PDE11A: variants seen among roughly 807,000 people sequenced by gnomAD.
PDE11A encodes the protein phosphodiesterase 11A, also known as dual 3',5'-cyclic-AMP and -GMP phosphodiesterase 11A.
A neutral mutation model predicts 100.5 loss-of-function variants in PDE11A; 100 were observed. The observed-to-expected ratio is 1.00, with a 90% CI of 0.85 to 1.18. The LOEUF (loss-of-function observed/expected upper bound fraction) is 1.18. PDE11A is among the 50% of genes most tolerant of loss of function. PDE11A has a pLI of 0.00. For missense variants in PDE11A, 1,141 were observed against 1,152.6 expected, an observed-to-expected ratio of 0.99 and a Z score of 0.15; for synonymous variants, 381 against 420.8, an observed-to-expected ratio of 0.91 and a Z score of 1.16.
At chr2:178,054,792 A>G (rs2086877063) in intron 1 of PDE11A, among the ~76,000 whole-genome samples, 1 of 152,240 alleles carries the variant, frequency 6.6e-6, no homozygotes, top group Non-Finnish European at 1.5e-5. Context: ...TCAAAACCAC[A>G]ATGAGATACC....
intron 15 of PDE11A, among the ~76,000 whole-genome samples, chr2:177,686,521 C>T (rs1006193905): frequency 2.6e-5 from 4 of 151,922 alleles, no homozygotes; most frequent in Non-Finnish European, 5.9e-5. Context: ...GAGCTGTGAT[C>T]ACACCACTGC....
intron 1 of PDE11A, among the ~76,000 whole-genome samples, chr2:178,051,413 T>A (rs926104557): frequency 6.6e-6 from 1 of 152,180 alleles, no homozygotes; most frequent in African/African-American, 2.4e-5. Context: ...TGCCAAATTA[T>A]AAAGACCATC....
intron 4 of PDE11A, among the ~76,000 whole-genome samples, chr2:177,877,225 C>T (rs896980338): frequency 6.9e-6 from 1 of 144,900 alleles, no homozygotes; most frequent in East Asian, 1.9e-4. Flanking sequence ...AGTGCAGTGG[C>T]CCAATCTCGG....
At chr2:177,750,588 A>G (rs576960252) in intron 10 of PDE11A, among the ~76,000 whole-genome samples, 293 of 152,334 alleles carry the variant, frequency 1.9e-3, no homozygotes, top group Non-Finnish European at 3.4e-3. Flanking sequence ...GCATGTGCTT[A>G]GACTGGTGTT....
intron 19 of PDE11A, among the ~76,000 whole-genome samples, chr2:177,641,336 C>A (rs1031877588): frequency 4.7e-5 from 7 of 149,232 alleles, no homozygotes; most frequent in African/African-American, 1.7e-4. Flanking sequence ...GGTACAAAAA[C>A]AGAACTTTGA....
chr2:177,961,227 G>A (rs1347714912), intron 2 of PDE11A, among the ~76,000 whole-genome samples: 1 of 151,520 alleles, frequency 6.6e-6, no homozygotes, highest in African/African-American at 2.4e-5. Flanking sequence ...CTCTTTCTCT[G>A]TCCCAGAAGA....
At chr2:177,821,125 T>C (rs2083132533) in intron 6 of PDE11A, among the ~76,000 whole-genome samples, 1 of 151,988 alleles carries the variant, frequency 6.6e-6, no homozygotes, top group Non-Finnish European at 1.5e-5. Flanking sequence ...TATTCTTTGT[T>C]GAAGGCAAGA....
intron 2 of PDE11A, among the ~76,000 whole-genome samples, chr2:178,081,077 TA>T (rs2087279334): frequency 6.6e-6 from 1 of 152,180 alleles, no homozygotes; most frequent in East Asian, 1.9e-4. Flanking sequence ...ATGTGCAATG[TA>T]ATATGAAATA....
intron 2 of PDE11A, chr2:177,998,177 A>G (rs1574332198): frequency 3.3e-6 from 3 of 903,358 alleles, no homozygotes; most frequent in East Asian, 4.8e-5. Context: ...TTTAACCCAG[A>G]CAGTAATTCA....
rs376506236 is a variant in PDE11A at position 177,991,122 on chromosome 2, G to C, written c.1071+23180C>G. 3.3e-5 allele frequency among the ~76,000 whole-genome samples: 5 copies of C among 150,962 alleles called. No individual in the cohort carries two copies. The South Asian group carries it at 6.4e-4, about 19-fold the overall frequency. ...GTAGATTACTTGAGGTCAGGAGTTC[G>C]AGATTAGCCTGGCCAACATGGTAAA... is the stretch of plus-strand genomic sequence containing the variant. On this transcript the variant is annotated intron_variant, in intron 2 of 19. Transcript: ENST00000286063.
At chr2:177,974,410 A>C (rs1167628107) in intron 2 of PDE11A, among the ~76,000 whole-genome samples, 1 of 64,040 alleles carries the variant, frequency 1.6e-5, no homozygotes, top group South Asian at 6.5e-4. Context: ...AGAAATGAGC[A>C]AAGCCTCTAA....
rs2081129130 is a variant in PDE11A, at chr2:177,697,397, T to C, written c.2280A>G (p.Glu760=). ...TCAAAAGCTGCATAAGGTCACTATA[T>C]TCCTTGGAGGACAGGTTAGCAAAGA... is the stretch of plus-strand genomic sequence containing the variant. ...HNIFANLSSK[E]YSDLMQLLKQ... The change falls in exon 15 of 20, where the codon GAA becomes GAG. Residue 760 remains glutamate (E), a synonymous_variant. Transcript: ENST00000286063. 3 of 1,597,378 alleles carry C rather than the reference T, an allele frequency of 1.9e-6. No individual in the cohort carries two copies. The highest frequency in any genetic ancestry group is 1.3e-5 in the African/African-American group (1 of 74,650).
At chr2:177,721,775 G>T (rs748053066) in intron 12 of PDE11A, among the ~76,000 whole-genome samples, 2 of 152,282 alleles carry the variant, frequency 1.3e-5, no homozygotes, top group South Asian at 4.1e-4. Context: ...CACATTAATT[G>T]TGTAGAAAGA....
At chr2:177,862,030 A>G (rs899964486) in intron 5 of PDE11A, among the ~76,000 whole-genome samples, 1 of 151,912 alleles carries the variant, frequency 6.6e-6, no homozygotes, top group Non-Finnish European at 1.5e-5. Context: ...TAGATATAAT[A>G]CCAAAAGCAC....
intron 2 of PDE11A, among the ~76,000 whole-genome samples, chr2:177,972,063 A>G (rs1365766194): frequency 6.6e-6 from 1 of 152,260 alleles, no homozygotes. Context: ...AGTAGGATAC[A>G]AAAGCTAAAT....
At chr2:177,809,912 G>A (rs1031069723) in intron 9 of PDE11A, among the ~76,000 whole-genome samples, 1 of 152,186 alleles carries the variant, frequency 6.6e-6, no homozygotes, top group Non-Finnish European at 1.5e-5. Context: ...TCCAGTGAGA[G>A]AAAATCTTTC....
chr2:177,919,854 G>A (rs1000404960), intron 2 of PDE11A, among the ~76,000 whole-genome samples: 5 of 151,966 alleles, frequency 3.3e-5, no homozygotes, highest in Admixed American at 1.3e-4. Context: ...TAAATGAAAC[G>A]AGAAATAAGA....
intron 2 of PDE11A, among the ~76,000 whole-genome samples, chr2:177,954,069 T>C (rs2085533213): frequency 6.6e-6 from 1 of 151,690 alleles, no homozygotes; most frequent in Non-Finnish European, 1.5e-5. Context: ...TGTATATTAT[T>C]TCCCATCTAG....
chr2:177,947,287 C>G (rs993502456), intron 2 of PDE11A, among the ~76,000 whole-genome samples: 2 of 144,336 alleles, frequency 1.4e-5, no homozygotes, highest in Non-Finnish European at 3.0e-5. Flanking sequence ...TCATTGAGAA[C>G]GGGCCAGGAT....
Sources: allele counts gnomAD v4.1 joint callset (sites outside exome capture counted in the v4.1 genomes callset), GRCh38; gene constraint gnomAD v4.1.1; transcripts MANE v1.5; gene names NCBI Gene and HGNC (gene_info 2026-07-23, HGNC 2026-07-21).